The following TSPO variants were observed in gnomAD, a reference collection of about 807,000 sequenced individuals.
TSPO encodes benzodiazepine peripheral binding site.
Under a neutral mutation model 13.9 loss-of-function variants are expected in TSPO, and 14 were observed. That is an observed-to-expected ratio of 1.01 (90% CI 0.67 to 1.58). TSPO has a LOEUF of 1.58. Among genes scored for constraint, TSPO ranks in the 40% most tolerant of loss-of-function variants. The pLI, the probability that TSPO is intolerant of heterozygous loss-of-function variation, is 0.00. For synonymous variants in TSPO, 114 were observed against 105.9 expected, an observed-to-expected ratio of 1.08 and a Z score of -0.47; for missense variants, 232 against 229.6, an observed-to-expected ratio of 1.01 and a Z score of -0.07.
intron 1 of TSPO, among the ~76,000 whole-genome samples, 192 bp from the exon 2 acceptor site, chr22:43,159,018 C>T (rs1377721750): frequency 1.4e-5 from 2 of 147,408 alleles, no homozygotes; most frequent in African/African-American, 2.7e-5. Context: ...AAAGGTGAGG[C>T]GAGGCAGCTG....
At chr22:43,159,979 A>G (rs535271865) in intron 2 of TSPO, among the ~76,000 whole-genome samples, 4 of 152,244 alleles carry the variant, frequency 2.6e-5, no homozygotes, top group African/African-American at 9.6e-5. Flanking sequence ...TGTAGCGGGG[A>G]CCACACCCAG....
At chr22:43,156,597 A>C (rs1931258083) in intron 1 of TSPO, among the ~76,000 whole-genome samples, 1 of 152,174 alleles carries the variant, frequency 6.6e-6, no homozygotes, top group Admixed American at 6.5e-5. Context: ...TTAGGGGTTG[A>C]AAATGCTTTG....
chr22:43,160,376 G>A (rs879276276), intron 2 of TSPO, among the ~76,000 whole-genome samples: 1 of 152,190 alleles, frequency 6.6e-6, no homozygotes, highest in Non-Finnish European at 1.5e-5. Flanking sequence ...TCCACTGATG[G>A]CCTGCCAAGA....
intron 1 of TSPO, among the ~76,000 whole-genome samples, chr22:43,157,515 G>C (rs935693002): frequency 3.9e-5 from 6 of 152,210 alleles, no homozygotes; most frequent in Non-Finnish European, 8.8e-5. Context: ...ACCGGAATCT[G>C]CTGGATGCCT....
At chr22:43,155,832 T>A in intron 1 of TSPO, among the ~76,000 whole-genome samples, 1 of 152,200 alleles carries the variant, frequency 6.6e-6, no homozygotes, top group Non-Finnish European at 1.5e-5. Context: ...CTGAGTCCTG[T>A]CCCTGCCATG....
intron 1 of TSPO, among the ~76,000 whole-genome samples, chr22:43,152,869 C>T (rs1363142097): frequency 2.0e-5 from 3 of 152,212 alleles, no homozygotes; most frequent in Admixed American, 1.3e-4. Flanking sequence ...CGTCTGTACA[C>T]ACTTGTGCCT....
chr22:43,157,712 C>T (rs1479656373), intron 1 of TSPO, among the ~76,000 whole-genome samples: 1 of 152,154 alleles, frequency 6.6e-6, no homozygotes. Flanking sequence ...TGCTGGTAAT[C>T]CCAGCTACTT....
At chr22:43,154,547 G>A (rs1411351073) in intron 1 of TSPO, among the ~76,000 whole-genome samples, 1 of 72,532 alleles carries the variant, frequency 1.4e-5, no homozygotes, top group Admixed American at 1.7e-4. Flanking sequence ...TAGTAGAGAC[G>A]GGGTCTCACC....
intron 1 of TSPO, among the ~76,000 whole-genome samples, chr22:43,153,289 G>T (rs1313667467): frequency 4.7e-5 from 7 of 149,050 alleles, no homozygotes; most frequent in African/African-American, 7.4e-5. Flanking sequence ...CTCCCAAAGT[G>T]CTGGGATTAC....
intron 3 of TSPO, among the ~76,000 whole-genome samples, chr22:43,161,872 C>T (rs958794254): frequency 6.6e-5 from 10 of 151,882 alleles, no homozygotes; most frequent in Non-Finnish European, 1.3e-4. Context: ...AGGGCAGACT[C>T]GACTTCCTGG....
At position 43,163,158 on chromosome 22, in the gene TSPO, C is replaced by G; in HGVS notation, c.*167C>G. On this transcript the variant is annotated 3_prime_UTR_variant, in exon 4 of 4. Coordinates refer to ENST00000337554, the MANE Select transcript of TSPO (RefSeq NM_000714.6). ...CCCCACCTGAGCCCCCACCCGGGAG[C>G]AGTGTCCTGTGCTTTCTGCATGCTT... is the stretch of plus-strand genomic sequence containing the variant. The G allele has an allele frequency of 1.4e-6, 2 of 1,455,518 alleles. No homozygotes were observed. Among genetic ancestry groups the G allele is most frequent in the Non-Finnish European group, 9.0e-7 (1 of 1,107,096 alleles). 90.2% of individuals were successfully genotyped at this position (1,455,518 alleles called of 1,614,324 possible). A position where few individuals can be genotyped will look rare whatever the true frequency, so the allele number is the denominator to read the frequency against.
chr22:43,156,937 C>T (rs375683843), intron 1 of TSPO, among the ~76,000 whole-genome samples: 59 of 152,272 alleles, frequency 3.9e-4, no homozygotes, highest in African/African-American at 1.3e-3. Flanking sequence ...TGGTCCGGCT[C>T]GTTTCCAGTG....
chr22:43,161,142 G>C lies in TSPO; in HGVS notation c.273G>C (p.Leu91=). Residue 91 remains leucine, a synonymous_variant, in exon 3 of 4, where the codon CTG becomes CTC. Coordinates refer to ENST00000337554, the MANE Select transcript of TSPO (RefSeq NM_000714.6). ...PLGLYTGQLA[L]NWAWPPIFFG... ...GCCTCTACACTGGGCAGCTGGCCCTGAACTGGGCATGGCCCCCCATCTTCT... is the reference window on the plus strand; with the variant it reads ...GCCTCTACACTGGGCAGCTGGCCCTCAACTGGGCATGGCCCCCCATCTTCT... The C allele has an allele frequency of 1.9e-6, 3 of 1,614,164 alleles. No individual in the cohort carries two copies. Among genetic ancestry groups the C allele is most frequent in the Non-Finnish European group, 2.5e-6 (3 of 1,179,974 alleles).
At chr22:43,159,985 C>A (rs1931384142) in intron 2 of TSPO, among the ~76,000 whole-genome samples, 1 of 152,144 alleles carries the variant, frequency 6.6e-6, no homozygotes, top group South Asian at 2.1e-4. Context: ...GGGGACCACA[C>A]CCAGGAGGCA....
intron 1 of TSPO, among the ~76,000 whole-genome samples, chr22:43,157,918 G>A (rs910730747): frequency 3.3e-5 from 5 of 152,250 alleles, no homozygotes; most frequent in Middle Eastern, 3.4e-3. Context: ...TGCTTTCTTC[G>A]TGTTATGTTG....
At chr22:43,159,576 G>T in intron 2 of TSPO, 156 bp downstream of exon 2, 1 of 802,342 alleles carries the variant, frequency 1.2e-6, no homozygotes, top group Non-Finnish European at 1.8e-6. Flanking sequence ...TGGGCCTGTC[G>T]ATTGCACAAC....
At chr22:43,161,220 T>A in intron 3 of TSPO, 30 bp downstream of exon 3, 1 of 1,595,724 alleles carries the variant, frequency 6.3e-7, no homozygotes, top group Non-Finnish European at 8.6e-7. Flanking sequence ...GTGTCCCTGA[T>A]CCCTGGATCC....
At chr22:43,156,460 C>A (rs1239373604) in intron 1 of TSPO, among the ~76,000 whole-genome samples, 1 of 149,804 alleles carries the variant, frequency 6.7e-6, no homozygotes, top group Non-Finnish European at 1.5e-5. Flanking sequence ...GAGGGCCACA[C>A]ACTGCGTGAT....
chr22:43,155,612 C>T (rs1931226127), intron 1 of TSPO, among the ~76,000 whole-genome samples: 1 of 152,180 alleles, frequency 6.6e-6, no homozygotes, highest in Admixed American at 6.5e-5. Flanking sequence ...CTGGAGTTTT[C>T]AGGGAAACGT....
Sources: gnomAD v4.1 joint callset for allele counts (sites outside exome capture counted in the v4.1 genomes callset) on GRCh38, gnomAD v4.1.1 for gene constraint, MANE v1.5 for transcripts, NCBI Gene and HGNC (gene_info 2026-07-23, HGNC 2026-07-21) for gene names.